The following CYSLTR2 variants were observed in gnomAD, a reference collection of about 807,000 sequenced individuals.
The protein encoded by CYSLTR2 is cysteinyl leukotriene receptor 2, also known as G-protein coupled receptor GPCR21.
For missense variants in CYSLTR2, 398 were observed against 411.9 expected, an observed-to-expected ratio of 0.97 and a Z score of 0.29; for synonymous variants, 179 against 160.8, an observed-to-expected ratio of 1.11 and a Z score of -0.86.
chr13:48,689,330 A>G (rs1953976569), intron 1 of CYSLTR2, among the ~76,000 whole-genome samples: 1 of 152,180 alleles, frequency 6.6e-6, no homozygotes, highest in South Asian at 2.1e-4. Flanking sequence ...GTCTTTGTCC[A>G]TGCCTGTGTC....
At chr13:48,704,612 A>C (rs1420660145) in intron 4 of CYSLTR2, among the ~76,000 whole-genome samples, 1 of 151,360 alleles carries the variant, frequency 6.6e-6, no homozygotes, top group Non-Finnish European at 1.5e-5. Context: ...TTGTCCTAAT[A>C]CTGCATTTGC....
intron 4 of CYSLTR2, among the ~76,000 whole-genome samples, chr13:48,697,641 G>C (rs9591201): frequency 0.1 from 15,292 of 152,210 alleles, 1,384 homozygotes; most frequent in African/African-American, 0.24. Context: ...TGCCAGCAAC[G>C]GAACAAAGCT....
At chr13:48,661,807 T>C (rs1422245554) in intron 1 of CYSLTR2, among the ~76,000 whole-genome samples, 1 of 152,250 alleles carries the variant, frequency 6.6e-6, no homozygotes, top group Non-Finnish European at 1.5e-5. Context: ...CAGATCAGGG[T>C]AATTAGCATA....
intron 1 of CYSLTR2, among the ~76,000 whole-genome samples, chr13:48,689,794 A>G (rs1953990104): frequency 6.6e-6 from 1 of 152,100 alleles, no homozygotes; most frequent in Non-Finnish European, 1.5e-5. Flanking sequence ...CTGCAAAGAA[A>G]CTCAATAGTA....
At chr13:48,665,134 T>G (rs1482230713) in intron 1 of CYSLTR2, among the ~76,000 whole-genome samples, 1 of 152,116 alleles carries the variant, frequency 6.6e-6, no homozygotes, top group East Asian at 1.9e-4. Context: ...GTTCCCCTTG[T>G]TATTGCTATC....
chr13:48,704,796 G>C (rs1259439507), intron 4 of CYSLTR2, among the ~76,000 whole-genome samples: 4 of 152,112 alleles, frequency 2.6e-5, no homozygotes, highest in Non-Finnish European at 4.4e-5. Context: ...TTCCCTTGTA[G>C]TTAGAGAACA....
At chr13:48,654,476 G>A (rs772148777) in intron 1 of CYSLTR2, among the ~76,000 whole-genome samples, 3 of 152,068 alleles carry the variant, frequency 2.0e-5, no homozygotes, top group Non-Finnish European at 2.9e-5. Flanking sequence ...TTGCATTGAG[G>A]AACTTTACTA....
intron 1 of CYSLTR2, among the ~76,000 whole-genome samples, chr13:48,678,394 T>C (rs529456421): frequency 6.6e-6 from 1 of 152,268 alleles, no homozygotes; most frequent in South Asian, 2.1e-4. Context: ...CATTGTGTTC[T>C]TTACTCTCCT....
intron 1 of CYSLTR2, among the ~76,000 whole-genome samples, chr13:48,670,246 T>C (rs1566085163): frequency 1.3e-5 from 2 of 152,248 alleles, no homozygotes; most frequent in Non-Finnish European, 2.9e-5. Context: ...ACTCTGAAGA[T>C]AGTTTCTTTT....
At chr13:48,661,039 C>A (rs1953114992) in intron 1 of CYSLTR2, among the ~76,000 whole-genome samples, 2 of 152,200 alleles carry the variant, frequency 1.3e-5, no homozygotes, top group African/African-American at 4.8e-5. Flanking sequence ...TCACTTCATC[C>A]TTACAACCCT....
At position 48,707,524 on chromosome 13, in the gene CYSLTR2, C is replaced by G. The variant is rs61735175; in HGVS notation, c.707C>G (p.Ser236Trp). The change falls in exon 5 of 5, where the codon TCG becomes TGG. Residue 236 changes from serine to tryptophan, a missense_variant. Coordinates refer to ENST00000682523, the MANE Select transcript of CYSLTR2 (RefSeq NM_001308476.3). Reference sequence around the variant, plus strand: ...CTGTTAAAAGTGGAGGTCCCAGAATCGGGGCTGCGGGTTTCTCACAGGAAG... The same window carrying G: ...CTGTTAAAAGTGGAGGTCCCAGAATGGGGGCTGCGGGTTTCTCACAGGAAG... ...RVLLKVEVPE[S>W]GLRVSHRKAL... 1 of 1,609,374 alleles carries G rather than the reference C, an allele frequency of 6.2e-7. No individual in the cohort carries two copies. Among genetic ancestry groups the G allele is most frequent in the South Asian group, 1.1e-5 (1 of 91,082 alleles).
chr13:48,663,337 T>C (rs1953177964), intron 1 of CYSLTR2, among the ~76,000 whole-genome samples: 1 of 152,178 alleles, frequency 6.6e-6, no homozygotes, highest in South Asian at 2.1e-4. Context: ...CTTTTGTGGC[T>C]CCATACAAAG....
chr13:48,669,963 C>T (rs1457034793), intron 1 of CYSLTR2, among the ~76,000 whole-genome samples: 2 of 152,156 alleles, frequency 1.3e-5, no homozygotes, highest in East Asian at 1.9e-4. Flanking sequence ...TTTCAATGAT[C>T]GCCATTCTAA....
intron 1 of CYSLTR2, among the ~76,000 whole-genome samples, chr13:48,664,890 G>A (rs1226549895): frequency 6.6e-6 from 1 of 151,698 alleles, no homozygotes; most frequent in Non-Finnish European, 1.5e-5. Flanking sequence ...AGTTCCTTGA[G>A]GGGCATTTTT....
chr13:48,706,097 G>A (rs1594030510), intron 4 of CYSLTR2, among the ~76,000 whole-genome samples: 1 of 150,040 alleles, frequency 6.7e-6, no homozygotes, highest in South Asian at 2.1e-4. Flanking sequence ...CCCAGGTTCA[G>A]GCAATTCTCC....
At chr13:48,695,254 T>C (rs1030912753) in intron 3 of CYSLTR2, among the ~76,000 whole-genome samples, 4 of 151,498 alleles carry the variant, frequency 2.6e-5, no homozygotes, top group Admixed American at 6.6e-5. Context: ...TTTTTCATTT[T>C]CTTTTTTTTT....
rs73495127 is a variant in CYSLTR2 at position 48,664,616 on chromosome 13, G to A, written c.-266+10599G>A. On this transcript the variant is annotated intron_variant, in intron 1 of 4. Transcript: ENST00000682523. ...GTTTCAAATATATTGGCATATAATTGTTCATGGTAGTATGGTAGTCTCTAA... is the reference window on the plus strand; with the variant it reads ...GTTTCAAATATATTGGCATATAATTATTCATGGTAGTATGGTAGTCTCTAA... Among the ~76,000 whole-genome samples the A allele has an allele frequency of 4.9e-3, 747 of 151,902 alleles. 7 individuals carry two copies. The highest frequency in any genetic ancestry group is 0.017 in the African/African-American group (707 of 41,488).
intron 1 of CYSLTR2, among the ~76,000 whole-genome samples, chr13:48,685,509 T>C (rs1043264245): frequency 1.8e-4 from 28 of 152,162 alleles, no homozygotes; most frequent in African/African-American, 6.8e-4. Flanking sequence ...ATTTCTGTTG[T>C]TTTAAGCTAC....
At chr13:48,695,799 G>T (rs1251025774) in intron 3 of CYSLTR2, among the ~76,000 whole-genome samples, 1 of 152,202 alleles carries the variant, frequency 6.6e-6, no homozygotes, top group Non-Finnish European at 1.5e-5. Context: ...ATGTACCACT[G>T]TTTAACTATT....
Sources: gnomAD v4.1 joint callset for allele counts (sites outside exome capture counted in the v4.1 genomes callset) on GRCh38, gnomAD v4.1.1 for gene constraint, MANE v1.5 for transcripts, NCBI Gene and HGNC (gene_info 2026-07-23, HGNC 2026-07-21) for gene names.